LARGE1: variants seen among roughly 807,000 people sequenced by gnomAD.
LARGE1 encodes xylosyl- and glucuronyltransferase LARGE1.
A neutral mutation model predicts 87.6 loss-of-function variants in LARGE1; 43 were observed. The ratio of observed to expected loss-of-function variants is 0.49; its 90% confidence interval spans 0.38 to 0.63. LARGE1 has a LOEUF of 0.63. LARGE1 is among the 30% of genes least tolerant of loss of function. The pLI, the probability that LARGE1 is intolerant of heterozygous loss-of-function variation, is 0.00. For synonymous variants in LARGE1, 434 were observed against 394.6 expected (o/e 1.10, Z -1.18); for missense variants, 802 against 1,000.2 (o/e 0.80, Z 2.67).
chr22:33,657,420 G>T lies in LARGE1; in HGVS notation c.107-6752C>A, dbSNP rs183910262. Among the ~76,000 whole-genome samples, 123 of 152,242 alleles carry T rather than the reference G, an allele frequency of 8.1e-4. 1 individual carries two copies. In the Middle Eastern group the frequency reaches 0.014, roughly 17 times the overall value. Reference sequence around the variant, plus strand: ...CTCTTAATCTTATCCTAAAACAGGGGTCATCAAACTTTTTCTGTAAACATC... The same window carrying T: ...CTCTTAATCTTATCCTAAAACAGGGTTCATCAAACTTTTTCTGTAAACATC... On this transcript the variant is annotated intron_variant, in intron 2 of 14. Coordinates refer to ENST00000397394, the MANE Select transcript of LARGE1 (RefSeq NM_133642.5).
At chr22:33,482,597 T>C (rs1195662952) in intron 6 of LARGE1, among the ~76,000 whole-genome samples, 1 of 152,094 alleles carries the variant, frequency 6.6e-6, no homozygotes, top group African/African-American at 2.4e-5. Context: ...CAAATGTAGA[T>C]GACGGGTTGA....
At chr22:33,166,344 T>G in exon 12 of LARGE1, 1 of 169,502 alleles carries the variant, frequency 5.9e-6, no homozygotes, top group Non-Finnish European at 1.3e-5. Context: ...ATCAGGCCAC[T>G]TCAATCTTAC....
chr22:33,298,998 T>C (rs945912248), intron 12 of LARGE1, among the ~76,000 whole-genome samples: 7 of 151,618 alleles, frequency 4.6e-5, no homozygotes, highest in Admixed American at 2.6e-4. Flanking sequence ...CACTTGAGAC[T>C]AGGAGTTCAA....
At chr22:33,369,583 G>A (rs1391752774) in intron 9 of LARGE1, among the ~76,000 whole-genome samples, 1 of 150,958 alleles carries the variant, frequency 6.6e-6, no homozygotes, top group African/African-American at 2.4e-5. Flanking sequence ...TTTTATTTTT[G>A]AGACAGAGTC....
At chr22:33,528,047 T>G (rs913893567) in intron 6 of LARGE1, among the ~76,000 whole-genome samples, 4 of 145,042 alleles carry the variant, frequency 2.8e-5, no homozygotes, top group Admixed American at 7.4e-5. Flanking sequence ...AAAACCCATA[T>G]GAGTAAAATA....
intron 2 of LARGE1, among the ~76,000 whole-genome samples, chr22:33,744,871 TCA>T (rs2084021877): frequency 1.3e-5 from 2 of 152,200 alleles, no homozygotes; most frequent in African/African-American, 4.8e-5. Flanking sequence ...GCTCTGCCAC[TCA>T]CAGGTTGGGA....
At chr22:33,297,097 C>A (rs1933389492) in intron 12 of LARGE1, among the ~76,000 whole-genome samples, 1 of 152,178 alleles carries the variant, frequency 6.6e-6, no homozygotes, top group Non-Finnish European at 1.5e-5. Context: ...TGTCTCTGGG[C>A]AGGCAGCCAG....
intron 4 of LARGE1, among the ~76,000 whole-genome samples, chr22:33,623,154 T>G (rs953593436): frequency 6.6e-6 from 1 of 151,240 alleles, no homozygotes; most frequent in African/African-American, 2.4e-5. Flanking sequence ...TTTTTTTTTT[T>G]AAACCAGGGA....
intron 6 of LARGE1, among the ~76,000 whole-genome samples, chr22:33,528,379 T>A (rs2072021023): frequency 6.6e-6 from 1 of 152,092 alleles, no homozygotes; most frequent in African/African-American, 2.4e-5. Flanking sequence ...TGACCAAATA[T>A]ACATATTCAA....
chr22:33,501,343 G>C (rs989756382), intron 6 of LARGE1, among the ~76,000 whole-genome samples: 1 of 152,202 alleles, frequency 6.6e-6, no homozygotes, highest in African/African-American at 2.4e-5. Flanking sequence ...CGCTGACTTG[G>C]GGAGAGGATG....
Position 33,362,542 on chromosome 22 carries a change from A to G in LARGE1, c.1131+19377T>C, listed in dbSNP as rs2064425640. ...GACACCTAGGGCAAAGTAGATGCCC[A>G]AGGCTGGTAAGCCTCTCGCTAGTAG... is the stretch of plus-strand genomic sequence containing the variant. On this transcript the variant is annotated intron_variant, in intron 9 of 14. Transcript: ENST00000397394. Among the ~76,000 whole-genome samples the G allele has an allele frequency of 1.3e-5, 2 of 149,902 alleles. 1 individual carries two copies. The highest frequency in any genetic ancestry group is 3.0e-5 in the Non-Finnish European group (2 of 67,186).
upstream of LARGE1, among the ~76,000 whole-genome samples, chr22:33,921,306 C>G (rs1028170714): frequency 6.6e-6 from 1 of 152,206 alleles, no homozygotes; most frequent in Non-Finnish European, 1.5e-5. The surrounding 1 kb of genome is among the most constrained non-coding windows in gnomAD (Gnocchi z 4.1). Context: ...GCTGGGAGCT[C>G]CCCGCCCTTC....
chr22:33,458,538 T>G (rs1055824576), intron 6 of LARGE1, among the ~76,000 whole-genome samples: 1 of 152,074 alleles, frequency 6.6e-6, no homozygotes. Flanking sequence ...TTCAAGCTAT[T>G]CTCCAGCCTC....
chr22:33,187,666 C>A (rs137397), intron 11 of LARGE1, among the ~76,000 whole-genome samples: 50,988 of 151,732 alleles, frequency 0.34, 9,020 homozygotes, highest in Non-Finnish European at 0.39. Context: ...CGCCTATAAT[C>A]CCAGCACTTT....
At chr22:33,592,770 A>T (rs1276578634) in intron 5 of LARGE1, among the ~76,000 whole-genome samples, 1 of 152,164 alleles carries the variant, frequency 6.6e-6, no homozygotes, top group Non-Finnish European at 1.5e-5. Flanking sequence ...GCTTGCAAAG[A>T]AGCTATAGTT....
intron 6 of LARGE1, among the ~76,000 whole-genome samples, chr22:33,447,437 G>A (rs917326081): frequency 6.6e-6 from 1 of 152,046 alleles, no homozygotes; most frequent in African/African-American, 2.4e-5. Flanking sequence ...ACCAGGAGCC[G>A]GGAGGTGAGA....
intron 1 of LARGE1, among the ~76,000 whole-genome samples, chr22:33,821,278 G>A (rs1346652505): frequency 2.6e-5 from 4 of 152,016 alleles, no homozygotes; most frequent in South Asian, 2.1e-4. Context: ...TCATCGTTAC[G>A]AAGTTAGAAA....
At chr22:33,768,485 T>C (rs547473213) in intron 1 of LARGE1, among the ~76,000 whole-genome samples, 1 of 151,940 alleles carries the variant, frequency 6.6e-6, no homozygotes, top group Non-Finnish European at 1.5e-5. Context: ...CCCTGCCTAC[T>C]GTATCCTAGA....
chr22:33,353,361 T>A (rs1940578277), intron 9 of LARGE1, among the ~76,000 whole-genome samples: 3 of 152,218 alleles, frequency 2.0e-5, no homozygotes, highest in African/African-American at 7.2e-5. Flanking sequence ...TAAAGGACAA[T>A]AAAGTCCAGT....
Sources: gnomAD v4.1 joint callset for allele counts (sites outside exome capture counted in the v4.1 genomes callset) on GRCh38, gnomAD v4.1.1 for gene constraint, Gnocchi (gnomAD v3.1) non-coding constraint, MANE v1.5 for transcripts, NCBI Gene and HGNC (gene_info 2026-07-23, HGNC 2026-07-21) for gene names.